Variants in SLC22A24 observed in about 807,000 individuals in gnomAD.
The protein encoded by SLC22A24 is steroid transmembrane transporter SLC22A24.
In SLC22A24, 53 loss-of-function variants were observed where a neutral mutation model predicts 49.8. That is an observed-to-expected ratio of 1.06 (90% CI 0.85 to 1.34). SLC22A24 has a LOEUF of 1.34. SLC22A24 is among the 40% of genes most tolerant of loss of function. SLC22A24 has a pLI of 0.00. For missense variants in SLC22A24, 786 were observed against 675.9 expected, an observed-to-expected ratio of 1.16 and a Z score of -1.81; for synonymous variants, 302 against 256.4, an observed-to-expected ratio of 1.18 and a Z score of -1.70.
chr11:63,128,090 T>C (rs923910013), intron 2 of SLC22A24, among the ~76,000 whole-genome samples: 8 of 151,956 alleles, frequency 5.3e-5, no homozygotes, highest in African/African-American at 1.9e-4. Context: ...ATGATAGATA[T>C]GATTATATAT....
At position 63,081,028 on chromosome 11, in the gene SLC22A24, G is replaced by T. The variant is rs751000536; in HGVS notation, c.1490C>A (p.Pro497His). 5 of 1,551,548 alleles carry T rather than the reference G, an allele frequency of 3.2e-6. No homozygotes were observed. The highest frequency in any genetic ancestry group is 1.2e-5 in the South Asian group (1 of 84,050). ...GGGGAAGACTCCATAGGAAATCCAG[G>T]GTAGGTGGGGAGAATACGCCATTAA... ...MTLMAYSPHL[P>H]WISYGVFPIL... Residue 497 changes from proline to histidine, a missense_variant, in exon 9 of 10, where the codon CCC becomes CAC. Coordinates refer to ENST00000612278, the MANE Select transcript of SLC22A24 (RefSeq NM_001136506.2).
intron 4 of SLC22A24, among the ~76,000 whole-genome samples, chr11:63,109,847 TTTAA>T (rs1257225699): frequency 1.3e-5 from 2 of 150,920 alleles, no homozygotes; most frequent in East Asian, 3.9e-4. Context: ...AGCTCTTTAG[TTTAA>T]TTAGATCCCA....
Position 63,119,220 on chromosome 11 carries a change from A to T in SLC22A24, c.622T>A (p.Phe208Ile). Residue 208 changes from phenylalanine (F) to isoleucine (I), a missense_variant, in exon 3 of 10, where the codon TTC (phenylalanine) becomes ATC (isoleucine). Phe to Ile is a conservative substitution (Grantham distance 21). Transcript: ENST00000612278. Reference protein sequence around the residue: ...VYCILRFLAGFSTMTILGNTF... With the variant: ...VYCILRFLAGISTMTILGNTF... ...TTTCCCAAAATAGTCATGGTGGAGA[A>T]CCCTGCCAAGAAGCGCAGTATGCAG... is the stretch of plus-strand genomic sequence containing the variant. The T allele has an allele frequency of 1.9e-6, 3 of 1,550,210 alleles. No individual in the cohort carries two copies. The South Asian group carries it at 3.6e-5, about 19-fold the overall frequency.
rs372890190 is a variant in SLC22A24, at chr11:63,143,697, T to C, written c.83A>G (p.Asn28Ser). 6.3e-4 allele frequency: 981 copies of C among 1,567,078 alleles called. 1 individual carries two copies. Among genetic ancestry groups the C allele is most frequent in the Non-Finnish European group, 7.8e-4 (899 of 1,158,770 alleles). ...ICLIAFFCIT[N>S]ILLFPNIVLE... ...CACAATATTAGGGAACAGTAGGATG[T>C]TGGTGATGCAAAAGAAAGCTATCAG... Residue 28 changes from asparagine (N) to serine (S), a missense_variant, in exon 1 of 10, where the codon AAC becomes AGC. Asn to Ser is a conservative substitution (Grantham distance 46, BLOSUM62 1). Coordinates refer to ENST00000612278, the MANE Select transcript of SLC22A24 (RefSeq NM_001136506.2).
At chr11:63,085,672 A>T (rs2086983133) in intron 6 of SLC22A24, among the ~76,000 whole-genome samples, 1 of 152,228 alleles carries the variant, frequency 6.6e-6, no homozygotes, top group South Asian at 2.1e-4. Flanking sequence ...CAGAGTTTAG[A>T]TCTTAATGCC....
intron 2 of SLC22A24, among the ~76,000 whole-genome samples, chr11:63,128,447 C>G (rs954941402): frequency 1.3e-5 from 2 of 152,090 alleles, no homozygotes; most frequent in Non-Finnish European, 2.9e-5. Context: ...AGACTCTGCT[C>G]CACCACCTCT....
intron 1 of SLC22A24, among the ~76,000 whole-genome samples, chr11:63,140,232 C>T (rs979380453): frequency 6.6e-6 from 1 of 151,878 alleles, no homozygotes; most frequent in Non-Finnish European, 1.5e-5. Context: ...CAGGCACACA[C>T]CACCATGCCC....
intron 5 of SLC22A24, among the ~76,000 whole-genome samples, chr11:63,102,401 C>A (rs893913401): frequency 6.6e-6 from 1 of 152,044 alleles, no homozygotes; most frequent in Non-Finnish European, 1.5e-5. Flanking sequence ...AAAAAAAATA[C>A]AGCCTCTAGG....
At chr11:63,142,055 ACTC>A (rs2087419023) in intron 1 of SLC22A24, among the ~76,000 whole-genome samples, 2 of 152,192 alleles carry the variant, frequency 1.3e-5, no homozygotes, top group South Asian at 4.1e-4. Flanking sequence ...TGGGAATTGT[ACTC>A]CTCATCCTAG....
At chr11:63,086,419 C>A (rs762111590) in intron 6 of SLC22A24, among the ~76,000 whole-genome samples, 1 of 152,120 alleles carries the variant, frequency 6.6e-6, no homozygotes, top group Non-Finnish European at 1.5e-5. Flanking sequence ...ATTATCCTAA[C>A]TGAACTAACA....
intron 6 of SLC22A24, 25 bp downstream of exon 6, chr11:63,095,966 T>G (rs1287632218): frequency 6.8e-6 from 10 of 1,472,438 alleles, no homozygotes; most frequent in Non-Finnish European, 6.5e-6. Flanking sequence ...TATTTTAAAG[T>G]GAATCATCAC....
intron 6 of SLC22A24, among the ~76,000 whole-genome samples, chr11:63,090,360 C>T (rs2087012689): frequency 1.3e-5 from 2 of 151,942 alleles, no homozygotes; most frequent in African/African-American, 4.8e-5. Flanking sequence ...ACCAAGCAGA[C>T]CTAATAGACA....
chr11:63,090,068 G>A (rs191244472), intron 6 of SLC22A24, among the ~76,000 whole-genome samples: 1,813 of 105,132 alleles, frequency 0.017, 24 homozygotes, highest in Middle Eastern at 0.1. Flanking sequence ...ACGACAGAAC[G>A]AGACTCTGTC....
At chr11:63,080,836 C>T (rs1590725255) in intron 9 of SLC22A24, 84 bp downstream of exon 9, 1 of 1,225,094 alleles carries the variant, frequency 8.2e-7, no homozygotes, top group Non-Finnish European at 1.1e-6. Flanking sequence ...ACAGAGGGCC[C>T]CAAATGGTCG....
At chr11:63,086,447 A>G (rs2086987404) in intron 6 of SLC22A24, among the ~76,000 whole-genome samples, 1 of 152,206 alleles carries the variant, frequency 6.6e-6, no homozygotes, top group African/African-American at 2.4e-5. Flanking sequence ...AGAAAATCAA[A>G]TACCACATGT....
chr11:63,090,594 C>CT (rs994609691), intron 6 of SLC22A24, among the ~76,000 whole-genome samples: 2 of 151,244 alleles, frequency 1.3e-5, no homozygotes, highest in African/African-American at 4.9e-5. Flanking sequence ...CAACCTGTGC[C>CT]TGAATGACTA....
intron 2 of SLC22A24, among the ~76,000 whole-genome samples, chr11:63,123,022 A>T (rs12279224): frequency 3.9e-5 from 6 of 152,016 alleles, no homozygotes; most frequent in Admixed American, 3.9e-4. Context: ...TGTTAACTAA[A>T]GTAATCCTAC....
rs1231199722 is a variant in SLC22A24, at chr11:63,113,069, CAT to C, written c.830+5841_830+5842del. 2.3e-3 allele frequency among the ~76,000 whole-genome samples: 4 copies of C among 1,756 alleles called. 2 individuals carry two copies. Among genetic ancestry groups the C allele is most frequent in the Non-Finnish European group, 0.016 (2 of 128 alleles). The allele number at this position is 1,756 out of a possible 152,430, so 1.2% of individuals were successfully genotyped here. A position where few individuals can be genotyped will look rare whatever the true frequency, so the allele number is the denominator to read the frequency against. On this transcript the variant is annotated intron_variant, in intron 4 of 9. Transcript: ENST00000612278. ...ATATATATATACATATATATATATA[CAT>C]ATATATACACATATATATACATATA...
intron 5 of SLC22A24, among the ~76,000 whole-genome samples, chr11:63,103,514 G>A (rs1218130968): frequency 6.6e-6 from 1 of 152,078 alleles, no homozygotes; most frequent in Non-Finnish European, 1.5e-5. Flanking sequence ...CACCCTGGTA[G>A]GCAATAAGCA....
Sources: allele counts gnomAD v4.1 joint callset (sites outside exome capture counted in the v4.1 genomes callset), GRCh38; gene constraint gnomAD v4.1.1; transcripts MANE v1.5; gene names NCBI Gene and HGNC (gene_info 2026-07-23, HGNC 2026-07-21).